Variants in EYS observed in about 807,000 individuals in gnomAD.
EYS encodes EGF-like photoreceptor maintenance factor.
Under a neutral mutation model 282.1 loss-of-function variants are expected in EYS, and 250 were observed. That is an observed-to-expected ratio of 0.89 (90% confidence interval 0.80 to 0.98). The LOEUF is 0.98. Ranked by LOEUF, EYS falls within the 50% of genes least tolerant of loss-of-function variation. EYS has a pLI of 0.00. For missense variants in EYS, 4,016 were observed against 3,709.0 expected (o/e 1.08, Z -2.15); for synonymous variants, 1,355 against 1,282.9 (o/e 1.06, Z -1.20).
rs7741947 is a variant in EYS, at chr6:65,602,868, A to T, written c.-333+36910T>A. ...ACACACTTTTAAGTTTGCCTAAGAC[A>T]GTTTTAATTTACATTTGTTGTCCTA... is the stretch of plus-strand genomic sequence containing the variant. On this transcript the variant is annotated intron_variant, in intron 2 of 42. Transcript: ENST00000503581. Among the ~76,000 whole-genome samples, 1,171 of 152,086 alleles carry T rather than the reference A, an allele frequency of 7.7e-3. 14 individuals are homozygous for T. The highest frequency in any genetic ancestry group is 0.025 in the African/African-American group (1,047 of 41,532).
At chr6:64,327,078 A>C (rs1445779642) in intron 29 of EYS, among the ~76,000 whole-genome samples, 1 of 152,086 alleles carries the variant, frequency 6.6e-6, no homozygotes, top group Non-Finnish European at 1.5e-5. Flanking sequence ...TGTGGAAGAG[A>C]GTCTCGGGAG....
At chr6:65,666,200 CA>C (rs1768194545) in intron 1 of EYS, among the ~76,000 whole-genome samples, 1 of 151,490 alleles carries the variant, frequency 6.6e-6, no homozygotes, top group African/African-American at 2.4e-5. Flanking sequence ...TATGTGTGTA[CA>C]AAAATGTAAG....
chr6:63,762,242 ATAAAT>A (rs951641423), intron 41 of EYS, among the ~76,000 whole-genome samples: 18 of 152,102 alleles, frequency 1.2e-4, no homozygotes, highest in Non-Finnish European at 2.4e-4. Flanking sequence ...TTTAGAGTTA[ATAAAT>A]TAAAGCAATA....
chr6:64,748,437 G>A (rs986054413), intron 22 of EYS, among the ~76,000 whole-genome samples: 12 of 152,304 alleles, frequency 7.9e-5, no homozygotes, highest in Admixed American at 5.2e-4. Context: ...CATCTCTTGC[G>A]TGCACAGTTC....
chr6:63,948,753 G>T (rs572910964), intron 35 of EYS, among the ~76,000 whole-genome samples: 4 of 152,184 alleles, frequency 2.6e-5, no homozygotes, highest in African/African-American at 9.6e-5. Context: ...AGAATGTTCA[G>T]GTAATGAGGT....
intron 31 of EYS, among the ~76,000 whole-genome samples, chr6:64,119,097 TTGAG>T (rs1183899500): frequency 1.3e-5 from 2 of 152,110 alleles, no homozygotes; most frequent in Non-Finnish European, 2.9e-5. Flanking sequence ...GTTTTTTAAT[TTGAG>T]TGATAGAGTT....
intron 39 of EYS, among the ~76,000 whole-genome samples, chr6:63,782,880 T>C (rs1324881427): frequency 6.6e-6 from 1 of 152,034 alleles, no homozygotes; most frequent in Admixed American, 6.6e-5. Context: ...TTTCTCTTGT[T>C]GGCATTTAGC....
At chr6:65,085,752 C>G (rs895626813) in intron 12 of EYS, among the ~76,000 whole-genome samples, 1 of 152,064 alleles carries the variant, frequency 6.6e-6, no homozygotes, top group Non-Finnish European at 1.5e-5. Flanking sequence ...CTTTCCAGGT[C>G]CACTTTTCTC....
rs147454163 is a variant in EYS, at chr6:65,366,213, T to C, written c.1300-12596A>G. Among the ~76,000 whole-genome samples, 121 of 151,788 alleles carry C rather than the reference T, an allele frequency of 8.0e-4. 2 individuals carry two copies. Among genetic ancestry groups the C allele is most frequent in the South Asian group, 7.3e-3 (35 of 4,824 alleles). ...CTGCGTTAGAAATGGGACAGCAAAA[T>C]GTTACAAGCCAAGATCTCATTTGTG... On this transcript the variant is annotated intron_variant, in intron 8 of 42. Coordinates refer to ENST00000503581, the MANE Select transcript of EYS (RefSeq NM_001142800.2).
At chr6:64,021,721 T>G (rs1321195842) in intron 33 of EYS, among the ~76,000 whole-genome samples, 2 of 152,232 alleles carry the variant, frequency 1.3e-5, no homozygotes, top group Admixed American at 6.5e-5. Flanking sequence ...ACTCAAGAAG[T>G]TGTAGTCCAA....
intron 30 of EYS, among the ~76,000 whole-genome samples, chr6:64,236,769 AT>A (rs1766618898): frequency 6.9e-6 from 1 of 143,944 alleles, no homozygotes; most frequent in African/African-American, 2.6e-5. Flanking sequence ...TAATTTTTTA[AT>A]TTTTTATCTT....
intron 31 of EYS, among the ~76,000 whole-genome samples, chr6:64,156,076 TTA>T (rs199920537): frequency 0.028 from 4,196 of 150,154 alleles, 61 homozygotes; most frequent in Non-Finnish European, 0.045. Context: ...TATATATATA[TTA>T]TATATATATG....
chr6:65,434,476 A>T (rs528856051), intron 5 of EYS, among the ~76,000 whole-genome samples: 3 of 151,852 alleles, frequency 2.0e-5, no homozygotes, highest in Admixed American at 6.6e-5. Flanking sequence ...GCCCGCCACC[A>T]CGCCCAGCTA....
At chr6:65,039,862 G>A (rs1260890175) in intron 13 of EYS, among the ~76,000 whole-genome samples, 2 of 151,554 alleles carry the variant, frequency 1.3e-5, no homozygotes, top group Non-Finnish European at 3.0e-5. Context: ...GTAGTAAAAA[G>A]TAAATGGATA....
chr6:63,907,295 C>G (rs1773801357), intron 35 of EYS, among the ~76,000 whole-genome samples: 1 of 152,108 alleles, frequency 6.6e-6, no homozygotes, highest in Non-Finnish European at 1.5e-5. Flanking sequence ...TTAAGTGGGG[C>G]CCATATATCT....
intron 33 of EYS, among the ~76,000 whole-genome samples, chr6:64,017,939 CAT>C (rs937716316): frequency 6.6e-6 from 1 of 152,158 alleles, no homozygotes; most frequent in African/African-American, 2.4e-5. Flanking sequence ...TATATTCTCT[CAT>C]ATTGCCCAAT....
At chr6:64,594,672 C>T (rs1272207281) in intron 24 of EYS, among the ~76,000 whole-genome samples, 1 of 126,558 alleles carries the variant, frequency 7.9e-6, no homozygotes, top group Non-Finnish European at 1.6e-5. Flanking sequence ...AGGGGAACAT[C>T]GCACACCGGG....
chr6:65,588,909 A>G (rs1765143199), intron 2 of EYS, among the ~76,000 whole-genome samples: 1 of 152,086 alleles, frequency 6.6e-6, no homozygotes, highest in Non-Finnish European at 1.5e-5. Context: ...TGAAATATAT[A>G]TGATCTTAGA....
At chr6:64,635,523 T>G (rs893065627) in intron 22 of EYS, among the ~76,000 whole-genome samples, 5 of 152,360 alleles carry the variant, frequency 3.3e-5, no homozygotes, top group African/African-American at 1.2e-4. Context: ...TTGAGAGTTT[T>G]TAGCATGAAG....
Sources: allele counts gnomAD v4.1 joint callset (sites outside exome capture counted in the v4.1 genomes callset), GRCh38; gene constraint gnomAD v4.1.1; transcripts MANE v1.5; gene names NCBI Gene and HGNC (gene_info 2026-07-23, HGNC 2026-07-21).